The following XKR4 variants were observed in gnomAD, a reference collection of about 807,000 sequenced individuals.
XKR4 encodes XK-related protein 4.
In XKR4, 12 loss-of-function variants were observed where a neutral mutation model predicts 53.9. The observed-to-expected ratio is 0.22, with a 90% CI of 0.14 to 0.36. XKR4 has a LOEUF of 0.36. Ranked by LOEUF, XKR4 falls within the 10% of genes least tolerant of loss-of-function variation. The pLI is 1.00. For missense variants in XKR4, 799 were observed against 859.5 expected (o/e 0.93, Z 0.88); for synonymous variants, 354 against 362.4 (o/e 0.98, Z 0.26).
intron 1 of XKR4, among the ~76,000 whole-genome samples, chr8:55,272,708 T>G (rs1028517086): frequency 6.6e-6 from 1 of 152,230 alleles, no homozygotes; most frequent in African/African-American, 2.4e-5. Context: ...ACACAGCAAG[T>G]GTGACTTTCT....
Position 55,473,497 on chromosome 8 carries a change from T to C in XKR4, c.1007-49784T>C, listed in dbSNP as rs191402181. On this transcript the variant is annotated intron_variant, in intron 2 of 2. Transcript: ENST00000327381. Reference sequence around the variant, plus strand: ...GTAACATAGATATTCAGCTGCTAAATCTCCACATAATTGGTATAGCTGAGC... The same window carrying C: ...GTAACATAGATATTCAGCTGCTAAACCTCCACATAATTGGTATAGCTGAGC... Among the ~76,000 whole-genome samples the C allele has an allele frequency of 7.4e-4, 112 of 152,250 alleles. 2 individuals carry two copies. Among genetic ancestry groups the C allele is most frequent in the African/African-American group, 2.6e-3 (108 of 41,512 alleles).
In XKR4 at chr8:55,521,619, C is replaced by A. The variant is rs557598717; in HGVS notation, c.1007-1662C>A. Among the ~76,000 whole-genome samples the A allele has an allele frequency of 4.6e-5, 7 of 152,302 alleles. No individual in the cohort carries two copies. In the South Asian group the frequency reaches 1.4e-3, roughly 32 times the overall value. On this transcript the variant is annotated intron_variant, in intron 2 of 2. Coordinates refer to ENST00000327381, the MANE Select transcript of XKR4 (RefSeq NM_052898.2). ...CAGTGTAGCATGTCTAGTTGTTCTGCTGGCTTTATTGGGAGGAAATATGAG... is the reference window on the plus strand; with the variant it reads ...CAGTGTAGCATGTCTAGTTGTTCTGATGGCTTTATTGGGAGGAAATATGAG...
Position 55,116,477 on chromosome 8 carries a change from A to G in XKR4, c.806+13183A>G, listed in dbSNP as rs1156361245. ...AAATAGGATGGCTCAGTTTGATGGCATGCTTCACCATTTGTCTTCCTACGT... is the reference window on the plus strand; with the variant it reads ...AAATAGGATGGCTCAGTTTGATGGCGTGCTTCACCATTTGTCTTCCTACGT... On this transcript the variant is annotated intron_variant, in intron 1 of 2. Transcript: ENST00000327381. Among the ~76,000 whole-genome samples, 3 of 152,324 alleles carry G rather than the reference A, an allele frequency of 2.0e-5. No homozygotes were observed. In the East Asian group the frequency reaches 5.8e-4, roughly 29 times the overall value.
rs1313111568 is a variant in XKR4 at position 55,533,901 on chromosome 8, C to T, written c.*9674C>T. On this transcript the variant is annotated 3_prime_UTR_variant, in exon 3 of 3. Transcript: ENST00000327381. ...CCTGCTACCTGCTTCTTATGGCTCA[C>T]GCTATGAATATTCACCTGCTTCATT... 2 of 152,124 alleles carry T rather than the reference C, an allele frequency of 1.3e-5. No individual in the cohort carries two copies. Among genetic ancestry groups the T allele is most frequent in the South Asian group, 2.1e-4 (1 of 4,820 alleles). The allele number at this position is 152,124 out of a possible 1,614,324, so 9.4% of individuals were successfully genotyped here. A position where few individuals can be genotyped will look rare whatever the true frequency, so the allele number is the denominator to read the frequency against.
chr8:55,259,355 G>T (rs1388374347), intron 1 of XKR4, among the ~76,000 whole-genome samples: 1 of 152,210 alleles, frequency 6.6e-6, no homozygotes, highest in Non-Finnish European at 1.5e-5. Context: ...TTAATATCGG[G>T]CATTAACAAA....
chr8:55,443,853 AAG>A (rs200631221), intron 2 of XKR4, among the ~76,000 whole-genome samples: 16,163 of 134,680 alleles, frequency 0.12, 1,578 homozygotes, highest in East Asian at 0.37. Flanking sequence ...AAAAAAAAAA[AAG>A]AAAGAAAAGA....
At chr8:55,107,637 T>C (rs1816168633) in intron 1 of XKR4, among the ~76,000 whole-genome samples, 1 of 152,188 alleles carries the variant, frequency 6.6e-6, no homozygotes, top group Admixed American at 6.5e-5. Context: ...AATGATTACA[T>C]GGCATAATGT....
intron 1 of XKR4, among the ~76,000 whole-genome samples, chr8:55,300,588 C>A (rs990754909): frequency 6.6e-6 from 1 of 151,976 alleles, no homozygotes; most frequent in Admixed American, 6.6e-5. Context: ...AGTCTATGGG[C>A]ACTGAGGCTG....
chr8:55,408,382 C>CA (rs1333323974), intron 2 of XKR4, among the ~76,000 whole-genome samples: 1 of 152,170 alleles, frequency 6.6e-6, no homozygotes, highest in East Asian at 1.9e-4. Flanking sequence ...ATGACTCAAT[C>CA]AAAAAAATGC....
At chr8:55,317,085 T>C (rs1819489209) in intron 1 of XKR4, among the ~76,000 whole-genome samples, 1 of 152,190 alleles carries the variant, frequency 6.6e-6, no homozygotes, top group Non-Finnish European at 1.5e-5. Flanking sequence ...TTGTTTTTTA[T>C]GCCAAAGTGT....
intron 1 of XKR4, among the ~76,000 whole-genome samples, chr8:55,189,027 C>T (rs1281410208): frequency 6.6e-6 from 1 of 152,178 alleles, no homozygotes. Flanking sequence ...AGAATCTAAA[C>T]ACACAAGTGT....
At chr8:55,460,597 C>T (rs754143148) in intron 2 of XKR4, among the ~76,000 whole-genome samples, 5 of 152,168 alleles carry the variant, frequency 3.3e-5, no homozygotes, top group Non-Finnish European at 5.9e-5. Context: ...ACTGAGGTAT[C>T]GGGTTCATCT....
At chr8:55,265,913 A>G (rs1228846534) in intron 1 of XKR4, among the ~76,000 whole-genome samples, 2 of 152,006 alleles carry the variant, frequency 1.3e-5, no homozygotes, top group East Asian at 3.9e-4. Flanking sequence ...TGAACCTGGG[A>G]GGCAGAGGTT....
intron 1 of XKR4, among the ~76,000 whole-genome samples, chr8:55,116,022 T>C (rs1321520871): frequency 1.3e-5 from 2 of 151,964 alleles, no homozygotes; most frequent in African/African-American, 4.8e-5. Context: ...ACACCAAGAA[T>C]AGAGAGTGAA....
chr8:55,512,255 C>G (rs1200477657), intron 2 of XKR4, among the ~76,000 whole-genome samples: 1 of 152,236 alleles, frequency 6.6e-6, no homozygotes, highest in Admixed American at 6.5e-5. Context: ...CTCTGGCACA[C>G]TCTGCCCACT....
chr8:55,483,756 T>C (rs1220105700), intron 2 of XKR4, among the ~76,000 whole-genome samples: 2 of 128,026 alleles, frequency 1.6e-5, no homozygotes, highest in East Asian at 3.9e-4. Flanking sequence ...GAAAAGCCTC[T>C]CCCTTAAACA....
chr8:55,458,143 TA>T (rs1447597890), intron 2 of XKR4, among the ~76,000 whole-genome samples: 1 of 152,210 alleles, frequency 6.6e-6, no homozygotes, highest in African/African-American at 2.4e-5. Context: ...AAAAAAAAAT[TA>T]TTTGGCAATG....
In XKR4 at chr8:55,102,317, C is replaced by CCGGCGGGCGGCGGGCGG. The variant is rs1816054141; in HGVS notation, c.-165_-149dup. On this transcript the variant is annotated 5_prime_UTR_variant, in exon 1 of 3. Coordinates refer to ENST00000327381, the MANE Select transcript of XKR4 (RefSeq NM_052898.2). The surrounding 1 kb of genome is among the most constrained non-coding windows in gnomAD (Gnocchi z 5.1). ...CCGCTAGCCCGGCCCAGCGCCCAGC[C>CCGGCGGGCGGCGGGCGG]CGGCGGGCGGCGGGCGGCGGCGGAC... 9 of 931,216 alleles carry CCGGCGGGCGGCGGGCGG rather than the reference C, an allele frequency of 9.7e-6. No homozygotes were observed. Among genetic ancestry groups the CCGGCGGGCGGCGGGCGG allele is most frequent in the South Asian group, 8.6e-5 (2 of 23,304 alleles). 57.7% of individuals were successfully genotyped at this position (931,216 alleles called of 1,614,324 possible). A position where few individuals can be genotyped will look rare whatever the true frequency, so the allele number is the denominator to read the frequency against.
chr8:55,519,101 G>A (rs918216211), intron 2 of XKR4, among the ~76,000 whole-genome samples: 5 of 152,174 alleles, frequency 3.3e-5, no homozygotes, highest in Non-Finnish European at 5.9e-5. Flanking sequence ...ATGGGAGGCA[G>A]GAGAGAGGGA....
Sources: gnomAD v4.1 joint callset for allele counts (sites outside exome capture counted in the v4.1 genomes callset) on GRCh38, gnomAD v4.1.1 for gene constraint, Gnocchi (gnomAD v3.1) non-coding constraint, MANE v1.5 for transcripts, NCBI Gene and HGNC (gene_info 2026-07-23, HGNC 2026-07-21) for gene names.